The following RUFY2 variants were observed in gnomAD, a reference collection of about 807,000 sequenced individuals.
RUFY2 encodes RUN and FYVE domain-containing protein 2.
RUFY2 carries 49 observed loss-of-function variants against 94.4 expected under a neutral mutation model. The ratio of observed to expected loss-of-function variants is 0.52; its 90% CI spans 0.41 to 0.66. The LOEUF is 0.66. Ranked by LOEUF, RUFY2 falls within the 30% of genes least tolerant of loss-of-function variation. The probability of loss-of-function intolerance (pLI) is 0.00; values close to 1 mark genes in which losing one functional copy is unlikely to be tolerated. For synonymous variants in RUFY2, 255 were observed against 235.7 expected (o/e 1.08, Z -0.75); for missense variants, 541 against 692.8 (o/e 0.78, Z 2.46).
intron 15 of RUFY2, among the ~76,000 whole-genome samples, chr10:68,357,863 A>C (rs1164034907): frequency 6.6e-6 from 1 of 152,200 alleles, no homozygotes; most frequent in Non-Finnish European, 1.5e-5. Flanking sequence ...ACTTGTTTCA[A>C]ATTTTTCGCC....
At chr10:68,378,159 TA>T in intron 12 of RUFY2, 2 of 987,258 alleles carry the variant, frequency 2.0e-6, no homozygotes, top group Non-Finnish European at 2.4e-6. Flanking sequence ...AAAGCATATG[TA>T]AAAATCTGTA....
chr10:68,403,308 G>A (rs2051007031), intron 2 of RUFY2, among the ~76,000 whole-genome samples: 1 of 151,768 alleles, frequency 6.6e-6, no homozygotes, highest in Non-Finnish European at 1.5e-5. Context: ...CTGGAATGCA[G>A]TGGCACGATC....
chr10:68,341,822 A>G, downstream of RUFY2: 3 of 1,610,536 alleles, frequency 1.9e-6, no homozygotes, highest in South Asian at 2.2e-5. Flanking sequence ...AGTGGAGGAT[A>G]TGGTACTCCT....
intron 16 of RUFY2, among the ~76,000 whole-genome samples, chr10:68,349,157 A>G (rs897088610): frequency 6.6e-6 from 1 of 152,198 alleles, no homozygotes; most frequent in African/African-American, 2.4e-5. Flanking sequence ...AAGGTTTCCG[A>G]TAACTCTTAT....
chr10:68,345,596 T>G lies in RUFY2; in HGVS notation c.*172A>C. ...GTTGAAAATACATTTTGAAAAACAATGGGGAAGGAAATATATAACTTGTAA... is the reference window on the plus strand; with the variant it reads ...GTTGAAAATACATTTTGAAAAACAAGGGGGAAGGAAATATATAACTTGTAA... On this transcript the variant is annotated 3_prime_UTR_variant, in exon 18 of 18. Coordinates refer to ENST00000602465, the MANE Select transcript of RUFY2 (RefSeq NM_001330103.2). 1.9e-6 allele frequency: 1 copy of G among 538,734 alleles called. No individual in the cohort carries two copies. Among genetic ancestry groups the G allele is most frequent in the Non-Finnish European group, 3.2e-6 (1 of 313,214 alleles). The allele number at this position is 538,734 out of a possible 1,614,324, so 33.4% of individuals were successfully genotyped here.
intron 12 of RUFY2, chr10:68,377,372 C>T: frequency 9.5e-7 from 1 of 1,054,944 alleles, no homozygotes; most frequent in Non-Finnish European, 1.1e-6. Flanking sequence ...AGAAGCCACA[C>T]TGTTATATGT....
chr10:68,399,589 T>C (rs1460028743), intron 3 of RUFY2, among the ~76,000 whole-genome samples: 6 of 152,208 alleles, frequency 3.9e-5, no homozygotes, highest in Non-Finnish European at 7.3e-5. Flanking sequence ...CATTTGAACA[T>C]TTGAACATTC....
intron 8 of RUFY2, among the ~76,000 whole-genome samples, chr10:68,385,192 A>T (rs182145239): frequency 2.0e-3 from 303 of 151,914 alleles, no homozygotes; most frequent in African/African-American, 6.8e-3. Context: ...TGCACCTGGG[A>T]GGCGGAGGTT....
intron 3 of RUFY2, among the ~76,000 whole-genome samples, chr10:68,397,617 GA>G (rs2050486835): frequency 1.4e-5 from 2 of 143,376 alleles, no homozygotes; most frequent in African/African-American, 2.5e-5. Flanking sequence ...TTAAAAAAGT[GA>G]AAAAAAATCA....
Position 68,343,975 on chromosome 10 carries a change from T to A in RUFY2, c.*1793A>T, listed in dbSNP as rs1437996912. 1 of 152,118 alleles carries A rather than the reference T, an allele frequency of 6.6e-6. No individual in the cohort carries two copies. Among genetic ancestry groups the A allele is most frequent in the Admixed American group, 6.5e-5 (1 of 15,274 alleles). 9.4% of individuals were successfully genotyped at this position (152,118 alleles called of 1,614,324 possible). ...ATTTTAAAATTTGTTCTAAGCACAG[T>A]AATAAAAAAGCATATTTGAAAATTT... is the stretch of plus-strand genomic sequence containing the variant. On this transcript the variant is annotated 3_prime_UTR_variant, in exon 18 of 18. Transcript: ENST00000602465.
At chr10:68,366,349 AAGAG>A (rs1244186908) in intron 13 of RUFY2, among the ~76,000 whole-genome samples, 6 of 151,000 alleles carry the variant, frequency 4.0e-5, no homozygotes, top group African/African-American at 9.7e-5. Flanking sequence ...AAAAAAAAAA[AAGAG>A]AGAGAAAGAA....
chr10:68,345,776 A>T lies in RUFY2; in HGVS notation c.1813T>A (p.Leu605Met). ...ALLIQRCSSNLP is the reference protein window; with the variant it reads ...ALLIQRCSSNMP ...GATTTAGTTCTGGAGTCTCAGGGCA[A>T]GTTAGATGAGCATCTCTGAATGAGC... The change falls in exon 18 of 18, where the codon TTG (leucine) becomes ATG (methionine). Residue 605 changes from leucine to methionine, a missense_variant. Leu to Met is a conservative substitution (Grantham distance 15). Coordinates refer to ENST00000602465, the MANE Select transcript of RUFY2 (RefSeq NM_001330103.2). 6.2e-7 allele frequency: 1 copy of T among 1,612,544 alleles called. No individual in the cohort carries two copies. Among genetic ancestry groups the T allele is most frequent in the Non-Finnish European group, 8.5e-7 (1 of 1,179,214 alleles).
intron 13 of RUFY2, among the ~76,000 whole-genome samples, chr10:68,376,489 T>TATATATATATATATC (rs58358117): frequency 8.5e-4 from 44 of 51,810 alleles, no homozygotes; most frequent in Non-Finnish European, 1.4e-3. Context: ...TATATATATA[T>TATATATATATATATC]ATTCTCAGAA....
At chr10:68,406,665 C>T (rs1323111070) in intron 1 of RUFY2, 6 of 1,251,044 alleles carry the variant, frequency 4.8e-6, no homozygotes, top group South Asian at 4.5e-5. Flanking sequence ...GGGCCTAGAG[C>T]CCCTTCCCTG....
chr10:68,390,987 T>C (rs1010035261), intron 7 of RUFY2, among the ~76,000 whole-genome samples: 3 of 145,426 alleles, frequency 2.1e-5, no homozygotes, highest in Non-Finnish European at 3.0e-5. Flanking sequence ...CAGGCTGGAG[T>C]GCAATGGCGT....
intron 8 of RUFY2, 46 bp downstream of exon 8, chr10:68,386,013 T>A (rs1392260295): frequency 6.1e-6 from 8 of 1,303,210 alleles, no homozygotes; most frequent in Non-Finnish European, 8.7e-6. Context: ...TGGAAAAGGA[T>A]CACAAACACT....
downstream of RUFY2, chr10:68,341,505 A>G (rs1473044056): frequency 9.2e-7 from 1 of 1,092,264 alleles, no homozygotes; most frequent in Non-Finnish European, 1.4e-6. Flanking sequence ...TACTTAATTG[A>G]TCTTTTTTAC....
rs1273496470 is a variant in RUFY2, at chr10:68,404,849, A to G, written c.5-5T>C. On this transcript the variant is annotated splice_region_variant and splice_polypyrimidine_tract_variant and intron_variant, in intron 1 of 17. Coordinates refer to ENST00000602465, the MANE Select transcript of RUFY2 (RefSeq NM_001330103.2). ...CAGCTGTGGGGTCTTTTGTAGCTGA[A>G]AACACAAGAAAGGAATCCAACATCA... is the stretch of plus-strand genomic sequence containing the variant. 1.9e-6 allele frequency: 3 copies of G among 1,539,030 alleles called. No individual in the cohort carries two copies. Among genetic ancestry groups the G allele is most frequent in the Non-Finnish European group, 2.6e-6 (3 of 1,141,542 alleles).
At chr10:68,404,233 C>A (rs2051094808) in intron 2 of RUFY2, among the ~76,000 whole-genome samples, 1 of 152,144 alleles carries the variant, frequency 6.6e-6, no homozygotes, top group Admixed American at 6.6e-5. Context: ...CACATTTCTA[C>A]AATAACTCCA....
Sources: gnomAD v4.1 joint callset for allele counts (sites outside exome capture counted in the v4.1 genomes callset) on GRCh38, gnomAD v4.1.1 for gene constraint, MANE v1.5 for transcripts, NCBI Gene and HGNC (gene_info 2026-07-23, HGNC 2026-07-21) for gene names.